SLCO2A1: variants seen among roughly 807,000 people sequenced by gnomAD.
The protein encoded by SLCO2A1 is solute carrier organic anion transporter family member 2A1, also known as matrin F/G 1.
Under a neutral mutation model 71.7 loss-of-function variants are expected in SLCO2A1, and 60 were observed. The ratio of observed to expected loss-of-function variants is 0.84; its 90% confidence interval spans 0.68 to 1.04. The LOEUF (loss-of-function observed/expected upper bound fraction) is 1.04. Ranked by LOEUF, SLCO2A1 falls within the 50% of genes least tolerant of loss-of-function variation. The pLI, the probability that SLCO2A1 is intolerant of heterozygous loss-of-function variation, is 0.00. For synonymous variants in SLCO2A1, 308 were observed against 326.7 expected (o/e 0.94, Z 0.62); for missense variants, 745 against 813.4 (o/e 0.92, Z 1.02).
At position 133,934,654 on chromosome 3, in the gene SLCO2A1, G is replaced by T; in HGVS notation, c.*59C>A. 1.7e-6 allele frequency: 2 copies of T among 1,149,418 alleles called. No individual in the cohort carries two copies. Among genetic ancestry groups the T allele is most frequent in the Non-Finnish European group, 2.6e-6 (2 of 761,498 alleles). The allele number at this position is 1,149,418 out of a possible 1,614,324, so 71.2% of individuals were successfully genotyped here. ...TGACGTGTTAACATTAGTGAGTATA[G>T]GCAGGTGTGGAAGAGTCAAGGTCCA... On this transcript the variant is annotated 3_prime_UTR_variant, in exon 14 of 14. Transcript: ENST00000310926.
rs367924117 is a variant in SLCO2A1, at chr3:133,934,827, G to A, written c.1818C>T (p.Tyr606=). 3 of 1,609,426 alleles carry A rather than the reference G, an allele frequency of 1.9e-6. No homozygotes were observed. Among genetic ancestry groups the A allele is most frequent in the African/African-American group, 2.7e-5 (2 of 74,940 alleles). The change falls in exon 14 of 14, where the codon TAC becomes TAT. Residue 606 remains tyrosine, a synonymous_variant. Coordinates refer to ENST00000310926, the MANE Select transcript of SLCO2A1 (RefSeq NM_005630.3). ...YYDNDALRDR[Y]LGLQMGYKAL... is the part of the protein sequence containing the mutation. ...CCTTGTAGCCCATCTGCAGGCCCAG[G>A]TACCTGTGGGCAGGAGGAGGCAGGA... is the stretch of plus-strand genomic sequence containing the variant.
rs770701777 is a variant in SLCO2A1, at chr3:134,029,812, C to T, written c.-10G>A. On this transcript the variant is annotated 5_prime_UTR_variant, in exon 1 of 14. Coordinates refer to ENST00000310926, the MANE Select transcript of SLCO2A1 (RefSeq NM_005630.3). ...TGGGCAGGAGCCCCATGGCTGCGGG[C>T]GGCTGGCCGGGCGCGGAGTGGCGCG... 1.1e-5 allele frequency: 16 copies of T among 1,418,864 alleles called. No homozygotes were observed. Among genetic ancestry groups the T allele is most frequent in the Non-Finnish European group, 1.5e-5 (16 of 1,088,916 alleles). 87.9% of individuals were successfully genotyped at this position (1,418,864 alleles called of 1,614,324 possible). A position where few individuals can be genotyped will look rare whatever the true frequency, so the allele number is the denominator to read the frequency against.
intron 9 of SLCO2A1, among the ~76,000 whole-genome samples, chr3:133,946,496 C>G (rs1392182616): frequency 1.3e-5 from 2 of 152,194 alleles, no homozygotes; most frequent in Non-Finnish European, 2.9e-5. Flanking sequence ...CTTCTCCTCA[C>G]CTGCCCTAAT....
chr3:133,986,668 C>T (rs557708791), intron 1 of SLCO2A1, among the ~76,000 whole-genome samples: 14 of 152,232 alleles, frequency 9.2e-5, no homozygotes, highest in African/African-American at 3.1e-4. Context: ...TTTTACCACC[C>T]GTGTCAAAGA....
chr3:133,943,192 C>A lies in SLCO2A1; in HGVS notation c.1462-424G>T, dbSNP rs556544531. 1.9e-3 allele frequency among the ~76,000 whole-genome samples: 286 copies of A among 152,216 alleles called. 1 individual carries two copies. The highest frequency in any genetic ancestry group is 3.6e-3 in the Non-Finnish European group (245 of 68,042). ...ATAAACAGTAGGAGGGCAGTGGGAA[C>A]ACAGTGGAATTCCCTGGGTTCTGAT... On this transcript the variant is annotated intron_variant, in intron 10 of 13. Transcript: ENST00000310926.
At chr3:133,938,581 A>G in intron 11 of SLCO2A1, 88 bp from the exon 12 acceptor site, 1 of 1,277,324 alleles carries the variant, frequency 7.8e-7, no homozygotes, top group Middle Eastern at 1.9e-4. Flanking sequence ...AGAGCAGGTC[A>G]GAACCAGCCC....
rs147885350 is a variant in SLCO2A1 at position 133,951,214 on chromosome 3, T to G, written c.855A>C (p.Gly285=). 9.5e-5 allele frequency: 153 copies of G among 1,613,912 alleles called. No homozygotes were observed. In the African/African-American group the frequency reaches 1.5e-3, roughly 16 times the overall value. Reference sequence around the variant, plus strand: ...TGGGCTCTTGGAACCTTACCTTTGCTCCTATGGGCATTGCTCGAGGGAAGA... The same window carrying G: ...TGGGCTCTTGGAACCTTACCTTTGCGCCTATGGGCATTGCTCGAGGGAAGA... ...FFFFPRAMPI[G]AKRAPATADE... Residue 285 remains glycine (G), a synonymous_variant, in exon 6 of 14, where the codon GGA becomes GGC. Coordinates refer to ENST00000310926, the MANE Select transcript of SLCO2A1 (RefSeq NM_005630.3).
At chr3:133,955,935 C>T (rs1334478229) in intron 3 of SLCO2A1, among the ~76,000 whole-genome samples, 1 of 152,202 alleles carries the variant, frequency 6.6e-6, no homozygotes, top group African/African-American at 2.4e-5. Context: ...GGGTCCCAGA[C>T]ACCCTGGGTG....
At chr3:134,006,282 G>C (rs1174202289) in intron 1 of SLCO2A1, among the ~76,000 whole-genome samples, 1 of 152,032 alleles carries the variant, frequency 6.6e-6, no homozygotes, top group Non-Finnish European at 1.5e-5. Context: ...AAAATTCTGG[G>C]CTTAAGCAAT....
chr3:133,984,807 T>A lies in SLCO2A1; in HGVS notation c.97-5189A>T, dbSNP rs112745112. Among the ~76,000 whole-genome samples the A allele has an allele frequency of 3.3e-5, 5 of 152,336 alleles. 1 individual carries two copies. The highest frequency in any genetic ancestry group is 1.2e-4 in the African/African-American group (5 of 41,564). On this transcript the variant is annotated intron_variant, in intron 1 of 13. Coordinates refer to ENST00000310926, the MANE Select transcript of SLCO2A1 (RefSeq NM_005630.3). ...TATAGTGTTATAGTTTTTGATGATT[T>A]GAGTTTTGGAGTCAAACAGGCCTAG...
chr3:134,010,782 T>G (rs1649971913), intron 1 of SLCO2A1, among the ~76,000 whole-genome samples: 1 of 139,818 alleles, frequency 7.2e-6, no homozygotes, highest in Non-Finnish European at 1.5e-5. Context: ...GCACCAGATC[T>G]CCTGAGAACT....
At chr3:134,015,488 A>G (rs1935429964) in intron 1 of SLCO2A1, among the ~76,000 whole-genome samples, 1 of 152,198 alleles carries the variant, frequency 6.6e-6, no homozygotes. Context: ...ACAAAGTTTC[A>G]GAGAGATGGG....
At chr3:133,978,798 C>G (rs2108057912) in intron 2 of SLCO2A1, among the ~76,000 whole-genome samples, 1 of 152,304 alleles carries the variant, frequency 6.6e-6, no homozygotes, top group Admixed American at 6.5e-5. Flanking sequence ...CTCACTCTCT[C>G]TCCCCAGCTT....
At chr3:133,981,820 C>G (rs1297792153) in intron 1 of SLCO2A1, among the ~76,000 whole-genome samples, 1 of 151,926 alleles carries the variant, frequency 6.6e-6, no homozygotes, top group Non-Finnish European at 1.5e-5. Context: ...ACTAAAAATA[C>G]AAAAATTAAC....
At chr3:133,941,658 C>G (rs1933423553) in intron 11 of SLCO2A1, among the ~76,000 whole-genome samples, 1 of 152,080 alleles carries the variant, frequency 6.6e-6, no homozygotes. Flanking sequence ...CATTCATTGC[C>G]AGCTGCCAGC....
chr3:134,026,935 C>A lies in SLCO2A1; in HGVS notation c.96+2772G>T, dbSNP rs544535865. On this transcript the variant is annotated intron_variant, in intron 1 of 13. Coordinates refer to ENST00000310926, the MANE Select transcript of SLCO2A1 (RefSeq NM_005630.3). ...GCCATGTTTAGAAAATGGTTCCCAG[C>A]GCTAAGAGAATTTAAAACTCTAATA... Among the ~76,000 whole-genome samples the A allele has an allele frequency of 1.2e-4, 18 of 152,268 alleles. 1 individual carries two copies. The South Asian group carries it at 3.7e-3, about 32-fold the overall frequency.
At chr3:133,965,696 A>G (rs1171786282) in intron 3 of SLCO2A1, among the ~76,000 whole-genome samples, 1 of 152,174 alleles carries the variant, frequency 6.6e-6, no homozygotes, top group Non-Finnish European at 1.5e-5. Flanking sequence ...GCCTGTGAGG[A>G]GGACCCTCAG....
chr3:133,934,714 C>T lies in SLCO2A1; in HGVS notation c.1931G>A (p.Ter644=). The T allele has an allele frequency of 6.2e-7, 1 of 1,611,804 alleles. No homozygotes were observed. The highest frequency in any genetic ancestry group is 8.5e-7 in the Non-Finnish European group (1 of 1,178,310). Residue 644 remains the stop codon, a stop_retained_variant, in exon 14 of 14, where the codon TGA becomes TAA. Transcript: ENST00000310926. ...GCAGGGCAGTGGCCCAGGGTGGGGTCAGATGAGGCCTGCCGCCTTCTGCAC... is the reference window on the plus strand; with the variant it reads ...GCAGGGCAGTGGCCCAGGGTGGGGTTAGATGAGGCCTGCCGCCTTCTGCAC... The part of the protein sequence containing the change: ...YNVQKAAGLI[*]
At position 133,942,558 on chromosome 3, in the gene SLCO2A1, G is replaced by C. The variant is rs757198008; in HGVS notation, c.1625+47C>G. ...TAGGCGCAAAGTCAAAGGGAGATGT[G>C]GGGAAGGAGAAGCCACGCCCCAGAC... is the stretch of plus-strand genomic sequence containing the variant. On this transcript the variant is annotated intron_variant, in intron 11 of 13. Transcript: ENST00000310926. The C allele has an allele frequency of 3.2e-6, 5 of 1,552,682 alleles. No individual in the cohort carries two copies. In the South Asian group the frequency reaches 6.2e-5, roughly 19 times the overall value.
Sources: allele counts gnomAD v4.1 joint callset (sites outside exome capture counted in the v4.1 genomes callset), GRCh38; gene constraint gnomAD v4.1.1; transcripts MANE v1.5; gene names NCBI Gene and HGNC (gene_info 2026-07-23, HGNC 2026-07-21).